EIF4E3: variants seen among roughly 807,000 people sequenced by gnomAD.
The protein encoded by EIF4E3 is eukaryotic translation initiation factor 4E type 3.
A neutral mutation model predicts 31.7 loss-of-function variants in EIF4E3; 26 were observed. The ratio of observed to expected loss-of-function variants is 0.82; its 90% CI spans 0.60 to 1.14. The LOEUF (loss-of-function observed/expected upper bound fraction) is 1.14. Among genes scored for constraint, EIF4E3 ranks in the 50% most tolerant of loss-of-function variants. The pLI is 0.00. For synonymous variants in EIF4E3, 128 were observed against 107.7 expected, an observed-to-expected ratio of 1.19 and a Z score of -1.17; for missense variants, 304 against 270.9, an observed-to-expected ratio of 1.12 and a Z score of -0.86.
chr3:71,738,675 C>T (rs1367905449), intron 1 of EIF4E3, among the ~76,000 whole-genome samples: 1 of 151,946 alleles, frequency 6.6e-6, no homozygotes, highest in African/African-American at 2.4e-5. Context: ...ACTTGACAGA[C>T]CTGAAAGGAG....
At chr3:71,691,568 A>C (rs2049063915) in intron 5 of EIF4E3, among the ~76,000 whole-genome samples, 1 of 152,208 alleles carries the variant, frequency 6.6e-6, no homozygotes, top group African/African-American at 2.4e-5. Context: ...AAGGAAGGAA[A>C]GAGAGCAGGG....
chr3:71,697,760 C>T (rs2049159944), intron 3 of EIF4E3, among the ~76,000 whole-genome samples: 1 of 152,100 alleles, frequency 6.6e-6, no homozygotes. Context: ...TTTTTGATGG[C>T]TGAATACTAT....
At chr3:71,721,610 T>C (rs116664267) in intron 1 of EIF4E3, among the ~76,000 whole-genome samples, 2,622 of 152,038 alleles carry the variant, frequency 0.017, 79 homozygotes, top group African/African-American at 0.056. Flanking sequence ...TCTCATGAGA[T>C]CTGATGATTT....
chr3:71,723,319 T>G (rs996863370), intron 1 of EIF4E3, among the ~76,000 whole-genome samples: 6 of 152,140 alleles, frequency 3.9e-5, no homozygotes, highest in African/African-American at 1.4e-4. Flanking sequence ...AAATTATGAG[T>G]TGTTTGATCG....
At chr3:71,708,492 A>G (rs2049327121) in intron 2 of EIF4E3, among the ~76,000 whole-genome samples, 1 of 152,182 alleles carries the variant, frequency 6.6e-6, no homozygotes, top group South Asian at 2.1e-4. Context: ...AGTATTTCCT[A>G]GTATGTGCCT....
intron 1 of EIF4E3, among the ~76,000 whole-genome samples, chr3:71,717,742 A>T (rs1303583597): frequency 6.6e-6 from 1 of 152,098 alleles, no homozygotes; most frequent in Non-Finnish European, 1.5e-5. Flanking sequence ...TCTGTTCTAT[A>T]TTGCTGTGTG....
intron 1 of EIF4E3, among the ~76,000 whole-genome samples, chr3:71,736,105 C>A (rs1342640759): frequency 2.0e-5 from 3 of 152,100 alleles, no homozygotes; most frequent in Non-Finnish European, 4.4e-5. Flanking sequence ...AATGAGATAC[C>A]ACTATACACC....
intron 1 of EIF4E3, among the ~76,000 whole-genome samples, chr3:71,752,642 A>C (rs2049942564): frequency 6.6e-6 from 1 of 152,238 alleles, no homozygotes; most frequent in Non-Finnish European, 1.5e-5. Context: ...TGGTACCAAA[A>C]ACCAGGCATG....
chr3:71,721,894 T>C (rs940833557), intron 1 of EIF4E3, among the ~76,000 whole-genome samples: 4 of 152,098 alleles, frequency 2.6e-5, no homozygotes, highest in Non-Finnish European at 4.4e-5. Flanking sequence ...CAAGCACTGA[T>C]GGAGGTGAGA....
intron 5 of EIF4E3, 31 bp from the exon 6 acceptor site, chr3:71,690,196 A>G: frequency 6.3e-7 from 1 of 1,581,828 alleles, no homozygotes; most frequent in African/African-American, 1.4e-5. Context: ...AAAAAAAATG[A>G]GTGATACTTC....
intron 3 of EIF4E3, among the ~76,000 whole-genome samples, chr3:71,698,237 T>G (rs1276817017): frequency 6.6e-6 from 1 of 152,112 alleles, no homozygotes; most frequent in East Asian, 1.9e-4. Flanking sequence ...AGTGGCTACA[T>G]GGGCAGGGAG....
chr3:71,697,535 A>G (rs933773875), intron 3 of EIF4E3, among the ~76,000 whole-genome samples: 6 of 151,968 alleles, frequency 3.9e-5, no homozygotes, highest in Admixed American at 3.9e-4. Flanking sequence ...GTATTTTTGT[A>G]CCCATTAACC....
chr3:71,726,507 C>A (rs1040818833), upstream of EIF4E3, among the ~76,000 whole-genome samples: 3 of 152,242 alleles, frequency 2.0e-5, no homozygotes, highest in African/African-American at 7.2e-5. Context: ...ACTTGAATTT[C>A]TAGATAGTTC....
the EIF4E3 span, among the ~76,000 whole-genome samples, chr3:71,669,791 T>C: frequency 6.6e-6 from 1 of 152,192 alleles, no homozygotes; most frequent in South Asian, 2.1e-4. Flanking sequence ...ACATAGATTA[T>C]TTAGCAGAAC....
chr3:71,675,843 A>G lies in EIF4E3; in HGVS notation c.*8839T>C, dbSNP rs1251905009. The G allele has an allele frequency of 6.6e-6, 1 of 152,230 alleles. No individual in the cohort carries two copies. The highest frequency in any genetic ancestry group is 1.5e-5 in the Non-Finnish European group (1 of 68,044). 9.4% of individuals were successfully genotyped at this position (152,230 alleles called of 1,614,324 possible). A position where few individuals can be genotyped will look rare whatever the true frequency, so the allele number is the denominator to read the frequency against. On this transcript the variant is annotated 3_prime_UTR_variant, in exon 7 of 7. Transcript: ENST00000425534. ...ACTTCCACCAAGGCAGCCTCACTGA[A>G]GAACAGGCTGGAGCCACAGTACCTT...
In EIF4E3 at chr3:71,683,457, G is replaced by A. The variant is rs2048948063; in HGVS notation, c.*1225C>T. The A allele has an allele frequency of 6.6e-6, 1 of 152,238 alleles. No homozygotes were observed. The highest frequency in any genetic ancestry group is 2.1e-4 in the South Asian group (1 of 4,832). The allele number at this position is 152,238 out of a possible 1,614,324, so 9.4% of individuals were successfully genotyped here. A position where few individuals can be genotyped will look rare whatever the true frequency, so the allele number is the denominator to read the frequency against. On this transcript the variant is annotated 3_prime_UTR_variant, in exon 7 of 7. Coordinates refer to ENST00000425534, the MANE Select transcript of EIF4E3 (RefSeq NM_001134651.2). ...GCAGCCAAAGGCTTGGCAAAGTCAGGAGAGGGAAATCAGCGTATTCTGAGC... is the reference window on the plus strand; with the variant it reads ...GCAGCCAAAGGCTTGGCAAAGTCAGAAGAGGGAAATCAGCGTATTCTGAGC...
At chr3:71,689,179 G>A (rs1041015734) in intron 6 of EIF4E3, among the ~76,000 whole-genome samples, 8 of 152,054 alleles carry the variant, frequency 5.3e-5, no homozygotes, top group Non-Finnish European at 1.0e-4. Context: ...CTAAAATAAT[G>A]GAGCATTTTA....
In EIF4E3 at chr3:71,725,230, C is replaced by G. The variant is rs1419734565; in HGVS notation, c.138G>C (p.Gly46=). 2.6e-6 allele frequency: 3 copies of G among 1,133,056 alleles called. No homozygotes were observed. In the East Asian group the frequency reaches 2.1e-4, roughly 79 times the overall value. 70.2% of individuals were successfully genotyped at this position (1,133,056 alleles called of 1,614,324 possible). ...AGGTCCAGGACGAGTGCAGCGGGAC[C>G]CCGCCCGGCTCAGGCTGCAGCGCCG... ...QLSALQPEPG[G]VPLHSSWTFW... The change falls in exon 1 of 7, where the codon GGG becomes GGC. Residue 46 remains glycine, a synonymous_variant. Coordinates refer to ENST00000425534, the MANE Select transcript of EIF4E3 (RefSeq NM_001134651.2). The surrounding 1 kb of genome is among the most constrained non-coding windows in gnomAD (Gnocchi z 6.1).
At position 71,741,196 on chromosome 3, in the gene EIF4E3, A is replaced by G. The variant is rs542116333; in HGVS notation, c.-291+12267T>C. Among the ~76,000 whole-genome samples the G allele has an allele frequency of 1.3e-3, 190 of 149,768 alleles. 3 individuals are homozygous for G. Among genetic ancestry groups the G allele is most frequent in the South Asian group, 8.2e-3 (39 of 4,760 alleles). ...TCCATGCACATGCACATGCACGCGCACACACACACACACACACACATCCTG... is the reference window on the plus strand; with the variant it reads ...TCCATGCACATGCACATGCACGCGCGCACACACACACACACACACATCCTG... On this transcript the variant is annotated intron_variant, in intron 1 of 7. Transcript: ENST00000295612.
Sources: gnomAD v4.1 joint callset for allele counts (sites outside exome capture counted in the v4.1 genomes callset) on GRCh38, gnomAD v4.1.1 for gene constraint, Gnocchi (gnomAD v3.1) non-coding constraint, MANE v1.5 for transcripts, NCBI Gene and HGNC (gene_info 2026-07-23, HGNC 2026-07-21) for gene names.